LRRC75A: variants seen among roughly 807,000 people sequenced by gnomAD.
LRRC75A encodes the protein leucine-rich repeat-containing protein 75A.
In LRRC75A, 12 loss-of-function variants were observed where a neutral mutation model predicts 26.0. That is an observed-to-expected ratio of 0.46 (90% CI 0.30 to 0.75). The LOEUF is 0.75. LRRC75A is among the 30% of genes least tolerant of loss of function. LRRC75A has a pLI of 0.08. For synonymous variants in LRRC75A, 223 were observed against 219.3 expected (o/e 1.02, Z -0.15); for missense variants, 410 against 486.6 (o/e 0.84, Z 1.48).
intron 2 of LRRC75A, among the ~76,000 whole-genome samples, chr17:16,453,347 C>T (rs936205340): frequency 2.1e-5 from 3 of 141,740 alleles, no homozygotes; most frequent in Admixed American, 6.9e-5. Context: ...CACACGCACA[C>T]GCACACACAC....
intron 1 of LRRC75A, among the ~76,000 whole-genome samples, chr17:16,477,590 T>C (rs1378497868): frequency 2.0e-5 from 3 of 152,158 alleles, no homozygotes; most frequent in Non-Finnish European, 4.4e-5. Context: ...CCCAAGACCT[T>C]TCAAAAATGT....
chr17:16,491,913 C>A lies in LRRC75A; in HGVS notation c.78G>T (p.Arg26=). 1 of 1,272,040 alleles carries A rather than the reference C, an allele frequency of 7.9e-7. No individual in the cohort carries two copies. Among genetic ancestry groups the A allele is most frequent in the Non-Finnish European group, 9.9e-7 (1 of 1,011,876 alleles). 78.8% of individuals were successfully genotyped at this position (1,272,040 alleles called of 1,614,324 possible). Residue 26 remains arginine, a synonymous_variant, in exon 1 of 4, where the codon CGG becomes CGT. Transcript: ENST00000470794. This position sits in a 1 kb window ranked among gnomAD's most constrained non-coding sequence, Gnocchi z 5.9. ...GCAGCAGCGACGCCCAGAAGTCCGG[C>A]CGTTCGCGTCGGGGGCCCGGCGCGG... ...PGAAPGPRRE[R]PDFWASLLLR...
chr17:16,456,415 G>A lies in LRRC75A; in HGVS notation c.375+5843C>T, dbSNP rs548633646. Among the ~76,000 whole-genome samples the A allele has an allele frequency of 2.0e-5, 3 of 150,484 alleles. No individual in the cohort carries two copies. In the South Asian group the frequency reaches 6.4e-4, roughly 32 times the overall value. ...GAAGGAAAAGGAGGAAGAGGAGGAGGAGGAAGAGGAGCAGAAGAAGGAAGA... is the reference window on the plus strand; with the variant it reads ...GAAGGAAAAGGAGGAAGAGGAGGAGAAGGAAGAGGAGCAGAAGAAGGAAGA... On this transcript the variant is annotated intron_variant, in intron 2 of 3. Coordinates refer to ENST00000470794, the MANE Select transcript of LRRC75A (RefSeq NM_001113567.3).
chr17:16,459,489 GGCCCACGT>G, intron 2 of LRRC75A, among the ~76,000 whole-genome samples: 2 of 152,298 alleles, frequency 1.3e-5, no homozygotes, highest in Admixed American at 1.3e-4. Context: ...AGAGGAGGGA[GGCCCACGT>G]GCTAGAGCAG....
Position 16,462,143 on chromosome 17 carries a change from G to A in LRRC75A, c.375+115C>T. On this transcript the variant is annotated intron_variant, in intron 2 of 3. Transcript: ENST00000470794. The surrounding 1 kb of genome is among the most constrained non-coding windows in gnomAD (Gnocchi z 4.6). Reference sequence around the variant, plus strand: ...CAAGCTCTTGGTGCCTGGAGGACGGGCTTGTCCTCCTTGGGCCTGTCTGCC... The same window carrying A: ...CAAGCTCTTGGTGCCTGGAGGACGGACTTGTCCTCCTTGGGCCTGTCTGCC... The A allele has an allele frequency of 7.4e-7, 1 of 1,350,040 alleles. No individual in the cohort carries two copies. The highest frequency in any genetic ancestry group is 1.0e-6 in the Non-Finnish European group (1 of 988,830). The allele number at this position is 1,350,040 out of a possible 1,614,324, so 83.6% of individuals were successfully genotyped here.
chr17:16,485,715 GT>G lies in LRRC75A; in HGVS notation c.246+6029del, dbSNP rs545255555. Among the ~76,000 whole-genome samples, 283 of 141,254 alleles carry G rather than the reference GT, an allele frequency of 2.0e-3. 1 individual carries two copies. The highest frequency in any genetic ancestry group is 7.2e-3 in the African/African-American group (268 of 37,140). The allele number at this position is 141,254 out of a possible 152,430, so 92.7% of individuals were successfully genotyped here. ...GTGTATGCGTGGGCGCGCATGCGTG[GT>G]TTTCTTGCAGGGCACCGGCAGCACT... On this transcript the variant is annotated intron_variant, in intron 1 of 3. Transcript: ENST00000470794.
rs539176054 is a variant in LRRC75A, at chr17:16,443,557, G to A, written c.*31C>T. 8.8e-6 allele frequency: 13 copies of A among 1,476,824 alleles called. No homozygotes were observed. In the South Asian group the frequency reaches 1.7e-4, roughly 20 times the overall value. The allele number at this position is 1,476,824 out of a possible 1,614,324, so 91.5% of individuals were successfully genotyped here. A position where few individuals can be genotyped will look rare whatever the true frequency, so the allele number is the denominator to read the frequency against. On this transcript the variant is annotated 3_prime_UTR_variant, in exon 4 of 4. Transcript: ENST00000470794. Reference sequence around the variant, plus strand: ...CTGCCTTGCCCATTCTACCCAACAAGGACTCCCTGGTGAGGCCCTTCACTT... The same window carrying A: ...CTGCCTTGCCCATTCTACCCAACAAAGACTCCCTGGTGAGGCCCTTCACTT...
chr17:16,479,840 A>C (rs1364204042), intron 1 of LRRC75A, among the ~76,000 whole-genome samples: 1 of 152,222 alleles, frequency 6.6e-6, no homozygotes, highest in Non-Finnish European at 1.5e-5. Flanking sequence ...TCTTACTTTA[A>C]GAAATAAACT....
At chr17:16,474,092 G>A (rs576863706) in intron 1 of LRRC75A, among the ~76,000 whole-genome samples, 148 of 152,310 alleles carry the variant, frequency 9.7e-4, no homozygotes, top group African/African-American at 3.2e-3. Context: ...TCTAAAGTAA[G>A]TTGGGAGGCG....
intron 2 of LRRC75A, among the ~76,000 whole-genome samples, chr17:16,453,635 C>T (rs1051735129): frequency 2.7e-4 from 41 of 152,106 alleles, no homozygotes; most frequent in African/African-American, 1.2e-4. Flanking sequence ...TGAGCAGCTG[C>T]GATGCATTGG....
At chr17:16,452,541 G>A (rs758772361) in intron 2 of LRRC75A, among the ~76,000 whole-genome samples, 12 of 151,872 alleles carry the variant, frequency 7.9e-5, no homozygotes, top group Middle Eastern at 3.4e-3. Flanking sequence ...AGGTTCAAAC[G>A]ATTCTCCTGC....
chr17:16,450,330 GGA>G (rs1317774295), intron 2 of LRRC75A, among the ~76,000 whole-genome samples: 1 of 152,218 alleles, frequency 6.6e-6, no homozygotes, highest in South Asian at 2.1e-4. Flanking sequence ...AATGTCCAAA[GGA>G]GAGAGGCATC....
rs377276013 is a variant in LRRC75A at position 16,444,159 on chromosome 17, C to T, written c.492-28G>A. 590 of 1,548,544 alleles carry T rather than the reference C, an allele frequency of 3.8e-4. 1 individual carries two copies. Among genetic ancestry groups the T allele is most frequent in the Non-Finnish European group, 4.8e-4 (546 of 1,144,014 alleles). On this transcript the variant is annotated intron_variant, in intron 3 of 3. Coordinates refer to ENST00000470794, the MANE Select transcript of LRRC75A (RefSeq NM_001113567.3). ...GAAGGGAAAAAGGACAAACAAGGCT[C>T]AGGCACATAGGGCAGGCCTTTCCCC... is the stretch of plus-strand genomic sequence containing the variant.
At chr17:16,459,308 G>A (rs768816876) in intron 2 of LRRC75A, among the ~76,000 whole-genome samples, 2 of 152,154 alleles carry the variant, frequency 1.3e-5, no homozygotes, top group Non-Finnish European at 2.9e-5. Flanking sequence ...AATGGGGCTC[G>A]AGACAGGCTG....
intron 2 of LRRC75A, among the ~76,000 whole-genome samples, chr17:16,461,768 A>C (rs1156560493): frequency 6.6e-6 from 1 of 152,228 alleles, no homozygotes; most frequent in Non-Finnish European, 1.5e-5. Flanking sequence ...GTTCACCTCC[A>C]GGGAGACAAG....
Position 16,462,027 on chromosome 17 carries a change from G to A in LRRC75A, c.375+231C>T, listed in dbSNP as rs2093731403. ...GGGCAGCTGAATACAGGGATCATGT[G>A]AAAAATTCTGGTTTTTAAATGTTGG... On this transcript the variant is annotated intron_variant, in intron 2 of 3. Coordinates refer to ENST00000470794, the MANE Select transcript of LRRC75A (RefSeq NM_001113567.3). The surrounding 1 kb of genome is among the most constrained non-coding windows in gnomAD (Gnocchi z 4.6). Among the ~76,000 whole-genome samples, 1 of 152,200 alleles carries A rather than the reference G, an allele frequency of 6.6e-6. No homozygotes were observed. Among genetic ancestry groups the A allele is most frequent in the African/African-American group, 2.4e-5 (1 of 41,440 alleles).
chr17:16,452,867 T>G (rs2093644177), intron 2 of LRRC75A, among the ~76,000 whole-genome samples: 1 of 152,104 alleles, frequency 6.6e-6, no homozygotes, highest in Non-Finnish European at 1.5e-5. Flanking sequence ...GGACAGAATG[T>G]AGCCAGTCTC....
intron 2 of LRRC75A, among the ~76,000 whole-genome samples, chr17:16,455,942 A>G (rs1380419506): frequency 6.6e-6 from 1 of 150,992 alleles, no homozygotes; most frequent in East Asian, 1.9e-4. Context: ...TTTTTTCCCA[A>G]CTCTTCCACT....
chr17:16,485,663 TGTGTGTTC>T (rs527557116), intron 1 of LRRC75A, among the ~76,000 whole-genome samples: 129 of 129,348 alleles, frequency 1.0e-3, no homozygotes, highest in African/African-American at 3.3e-3. Context: ...TGTGTGTGTG[TGTGTGTTC>T]GTGTGTGTGT....
Sources: gnomAD v4.1 joint callset for allele counts (sites outside exome capture counted in the v4.1 genomes callset) on GRCh38, gnomAD v4.1.1 for gene constraint, Gnocchi (gnomAD v3.1) non-coding constraint, MANE v1.5 for transcripts, NCBI Gene and HGNC (gene_info 2026-07-23, HGNC 2026-07-21) for gene names.